The following DOCK9 variants were observed in gnomAD, a reference collection of about 807,000 sequenced individuals.
The protein encoded by DOCK9 is dedicator of cytokinesis protein 9.
DOCK9 carries 89 observed loss-of-function variants against 263.3 expected under a neutral mutation model. The observed-to-expected ratio is 0.34, with a 90% CI of 0.28 to 0.40. DOCK9 has a LOEUF of 0.40. DOCK9 is among the 10% of genes least tolerant of loss of function. The pLI is 1.00. For synonymous variants in DOCK9, 976 were observed against 973.1 expected, an observed-to-expected ratio of 1.00 and a Z score of -0.06; for missense variants, 2,140 against 2,603.4, an observed-to-expected ratio of 0.82 and a Z score of 3.87.
chr13:99,068,103 C>A (rs1342602430), intron 1 of DOCK9, among the ~76,000 whole-genome samples: 1 of 152,186 alleles, frequency 6.6e-6, no homozygotes, highest in African/African-American at 2.4e-5. Flanking sequence ...GAATCACCAA[C>A]TGTGACTATC....
intron 19 of DOCK9, among the ~76,000 whole-genome samples, chr13:98,886,153 C>T (rs948561663): frequency 1.3e-5 from 2 of 152,118 alleles, no homozygotes; most frequent in Non-Finnish European, 2.9e-5. Context: ...AGCATGCATA[C>T]AGTGGTTTCA....
chr13:99,073,191 G>A (rs1370013781), intron 1 of DOCK9, among the ~76,000 whole-genome samples: 2 of 152,064 alleles, frequency 1.3e-5, no homozygotes, highest in Non-Finnish European at 2.9e-5. Flanking sequence ...CCTACCACGT[G>A]CTTTGCCCAG....
chr13:98,928,916 T>C (rs2053482372), intron 3 of DOCK9, among the ~76,000 whole-genome samples: 1 of 152,178 alleles, frequency 6.6e-6, no homozygotes, highest in African/African-American at 2.4e-5. Context: ...AAGTTACTTC[T>C]TCAGAAAGAT....
intron 2 of DOCK9, chr13:98,949,973 G>C (rs1443375584): frequency 4.1e-6 from 2 of 491,538 alleles, no homozygotes; most frequent in East Asian, 5.2e-5. Flanking sequence ...TCTCATTCTT[G>C]ACCTTGGCTT....
chr13:98,817,948 T>C (rs1347775714), intron 45 of DOCK9, among the ~76,000 whole-genome samples: 1 of 152,186 alleles, frequency 6.6e-6, no homozygotes, highest in African/African-American at 2.4e-5. Flanking sequence ...TTTTATACTC[T>C]ACTGAACATT....
At chr13:99,086,495 G>A (rs2042347511) in exon 1 of DOCK9, 3 of 425,926 alleles carry the variant, frequency 7.0e-6, no homozygotes, top group Non-Finnish European at 9.3e-6. Context: ...TGCTCGCCGC[G>A]AGTCCGGCCG....
chr13:99,017,566 T>C (rs1395883801), intron 1 of DOCK9, among the ~76,000 whole-genome samples: 3 of 152,096 alleles, frequency 2.0e-5, no homozygotes. Context: ...ACCAAGCAAA[T>C]TGGAAGCTGC....
At chr13:98,997,483 A>G (rs1262207543) in intron 1 of DOCK9, among the ~76,000 whole-genome samples, 1 of 152,374 alleles carries the variant, frequency 6.6e-6, no homozygotes, top group Admixed American at 6.5e-5. Flanking sequence ...CATGACAGTA[A>G]GTCTCCTGGC....
intron 1 of DOCK9, among the ~76,000 whole-genome samples, chr13:98,957,832 T>G (rs773896196): frequency 6.6e-6 from 1 of 152,214 alleles, no homozygotes; most frequent in Non-Finnish European, 1.5e-5. Flanking sequence ...GGACCAATAC[T>G]GCAGACTGGG....
chr13:98,928,723 G>C (rs1389525661), intron 3 of DOCK9, among the ~76,000 whole-genome samples: 2 of 152,192 alleles, frequency 1.3e-5, no homozygotes, highest in Non-Finnish European at 2.9e-5. Flanking sequence ...AAACAAATGT[G>C]CTTGGCTGCT....
rs535856860 is a variant in DOCK9 at position 98,954,080 on chromosome 13, C to T, written c.243+1355G>A. On this transcript the variant is annotated intron_variant, in intron 2 of 52. Transcript: ENST00000682017. ...CTATTAACATGGAAGTTTCTAAAGACAAGTATGCACAGAGCTGTATACAGT... is the reference window on the plus strand; with the variant it reads ...CTATTAACATGGAAGTTTCTAAAGATAAGTATGCACAGAGCTGTATACAGT... Among the ~76,000 whole-genome samples, 9 of 150,992 alleles carry T rather than the reference C, an allele frequency of 6.0e-5. No homozygotes were observed. The South Asian group carries it at 2.0e-3, about 33-fold the overall frequency.
intron 51 of DOCK9, 59 bp downstream of exon 51, chr13:98,797,330 G>T: frequency 1.2e-6 from 2 of 1,607,478 alleles, no homozygotes. Flanking sequence ...TCTCCTTCCC[G>T]AATGAGTACA....
At chr13:98,915,531 T>C in intron 7 of DOCK9, 28 bp from the exon 8 acceptor site, 1 of 1,590,960 alleles carries the variant, frequency 6.3e-7, no homozygotes, top group South Asian at 1.1e-5. Context: ...TAAACAGACA[T>C]ACTTTAAAAG....
At chr13:98,941,484 G>A (rs1465410353) in intron 2 of DOCK9, among the ~76,000 whole-genome samples, 4 of 152,196 alleles carry the variant, frequency 2.6e-5, no homozygotes, top group Non-Finnish European at 4.4e-5. Context: ...AAGAGCACAC[G>A]ATTGTTTATT....
Position 98,898,212 on chromosome 13 carries a change from C to A in DOCK9, c.1553G>T (p.Gly518Val). 1.2e-6 allele frequency: 2 copies of A among 1,612,222 alleles called. No homozygotes were observed. The highest frequency in any genetic ancestry group is 2.7e-5 in the African/African-American group (2 of 75,012). The change falls in exon 14 of 53, where the codon GGA (glycine) becomes GTA (valine). Residue 518 changes from glycine to valine, a missense_variant. Coordinates refer to ENST00000682017, the MANE Select transcript of DOCK9 (RefSeq NM_001366683.2). Reference sequence around the variant, plus strand: ...CCAAGCAAATGGCATTCTATACTGTCCTAGTCTTTGGCATGCCTGCTTGGC... The same window carrying A: ...CCAAGCAAATGGCATTCTATACTGTACTAGTCTTTGGCATGCCTGCTTGGC... The part of the protein sequence containing the change: ...KNAKQACQRL[G>V]QYRMPFAWAA...
intron 27 of DOCK9, among the ~76,000 whole-genome samples, chr13:98,871,360 G>A (rs1415628176): frequency 6.6e-6 from 1 of 152,172 alleles, no homozygotes; most frequent in African/African-American, 2.4e-5. Context: ...AATACATGGA[G>A]AAGAATGATG....
At chr13:98,925,464 T>G (rs2052784295) in intron 4 of DOCK9, among the ~76,000 whole-genome samples, 1 of 152,234 alleles carries the variant, frequency 6.6e-6, no homozygotes, top group Admixed American at 6.5e-5. Flanking sequence ...TAAAATGCTC[T>G]TTATAATTAT....
chr13:98,938,801 T>C (rs1304686871), intron 2 of DOCK9, among the ~76,000 whole-genome samples: 1 of 152,216 alleles, frequency 6.6e-6, no homozygotes, highest in African/African-American at 2.4e-5. Flanking sequence ...CCTTGGGATA[T>C]TTAAAACATC....
intron 1 of DOCK9, among the ~76,000 whole-genome samples, chr13:99,081,779 T>C (rs984755250): frequency 6.6e-6 from 1 of 152,256 alleles, no homozygotes; most frequent in Non-Finnish European, 1.5e-5. Flanking sequence ...TTCTAGCTTT[T>C]CTTCTGAGTT....
Sources: allele counts gnomAD v4.1 joint callset (sites outside exome capture counted in the v4.1 genomes callset), GRCh38; gene constraint gnomAD v4.1.1; transcripts MANE v1.5; gene names NCBI Gene and HGNC (gene_info 2026-07-23, HGNC 2026-07-21).